Variants in POU6F2 observed in about 807,000 individuals in gnomAD.
The protein encoded by POU6F2 is POU domain, class 6, transcription factor 2.
POU6F2 carries 31 observed loss-of-function variants against 71.3 expected under a neutral mutation model. That is an observed-to-expected ratio of 0.43 (90% confidence interval 0.33 to 0.59). The LOEUF (loss-of-function observed/expected upper bound fraction) is 0.59. Among genes scored for constraint, POU6F2 ranks in the 20% least tolerant of loss-of-function variants. The pLI, the probability that POU6F2 is intolerant of heterozygous loss-of-function variation, is 0.04. For missense variants in POU6F2, 783 were observed against 856.8 expected (o/e 0.91, Z 1.07); for synonymous variants, 347 against 355.7 (o/e 0.98, Z 0.27).
chr7:39,076,251 C>G (rs1259841799), intron 1 of POU6F2, among the ~76,000 whole-genome samples: 1 of 151,344 alleles, frequency 6.6e-6, no homozygotes. Context: ...CTTCCATTCC[C>G]TCCCTTCCTT....
chr7:39,451,834 C>A, intron 8 of POU6F2, 133 bp downstream of exon 8: 1 of 1,168,806 alleles, frequency 8.6e-7, no homozygotes, highest in Non-Finnish European at 1.2e-6. Context: ...AATTTCCTGG[C>A]ACTGCTAGGT....
chr7:39,176,202 G>C (rs1035637047), intron 2 of POU6F2, among the ~76,000 whole-genome samples: 10 of 151,948 alleles, frequency 6.6e-5, no homozygotes, highest in Admixed American at 3.3e-4. Context: ...ATTTGTTCTT[G>C]GGCTGTGAGG....
At chr7:39,339,572 C>T in intron 4 of POU6F2, 70 bp from the exon 5 acceptor site, 1 of 1,504,020 alleles carries the variant, frequency 6.6e-7, no homozygotes, top group Non-Finnish European at 8.8e-7. Flanking sequence ...TTGCACTGGA[C>T]AGGCTGTCAA....
chr7:39,027,430 A>G (rs1052903483), intron 1 of POU6F2, among the ~76,000 whole-genome samples: 2 of 152,136 alleles, frequency 1.3e-5, no homozygotes, highest in Non-Finnish European at 2.9e-5. Context: ...ATTGCCCACA[A>G]GGGCTTTTAA....
chr7:39,418,566 T>C (rs1245475251), intron 6 of POU6F2, among the ~76,000 whole-genome samples: 1 of 151,996 alleles, frequency 6.6e-6, no homozygotes, highest in African/African-American at 2.4e-5. Flanking sequence ...GGCAGGCACC[T>C]GTAGTCCCAG....
intron 1 of POU6F2, among the ~76,000 whole-genome samples, chr7:39,013,983 A>C (rs1789403328): frequency 1.3e-5 from 2 of 152,204 alleles, no homozygotes; most frequent in Admixed American, 6.5e-5. Flanking sequence ...TTCCCTTCAG[A>C]GGAATGAGAG....
At chr7:39,144,018 G>A (rs1000124325) in intron 2 of POU6F2, among the ~76,000 whole-genome samples, 77 of 152,116 alleles carry the variant, frequency 5.1e-4, no homozygotes, top group African/African-American at 1.8e-3. Flanking sequence ...CATCAAAATA[G>A]GTCTTCCTTC....
chr7:39,373,622 G>T (rs1382093625), intron 5 of POU6F2: 6 of 422,136 alleles, frequency 1.4e-5, no homozygotes, highest in Non-Finnish European at 2.9e-5. Flanking sequence ...ATTTACTGGA[G>T]AAGCAATAAT....
chr7:39,260,798 A>G lies in POU6F2; in HGVS notation c.598+53178A>G, dbSNP rs180992669. Among the ~76,000 whole-genome samples, 54 of 152,012 alleles carry G rather than the reference A, an allele frequency of 3.6e-4. No homozygotes were observed. The East Asian group carries it at 0.01, about 29-fold the overall frequency. ...CCACACACAACACTTAAACACACAT[A>G]TATGACATACATACATCACATTACA... On this transcript the variant is annotated intron_variant, in intron 4 of 9. Transcript: ENST00000518318.
intron 5 of POU6F2, among the ~76,000 whole-genome samples, chr7:39,395,405 C>T (rs1318986761): frequency 1.3e-5 from 2 of 152,204 alleles, no homozygotes; most frequent in African/African-American, 4.8e-5. Flanking sequence ...ACAATCAACT[C>T]TGAGCCATCC....
chr7:39,211,508 T>A (rs549760420), intron 4 of POU6F2, among the ~76,000 whole-genome samples: 41 of 152,298 alleles, frequency 2.7e-4, no homozygotes, highest in African/African-American at 9.9e-4. Flanking sequence ...GCTTTGCTGA[T>A]AAAAAGACCT....
chr7:39,065,019 C>A (rs1790729190), intron 1 of POU6F2, among the ~76,000 whole-genome samples: 1 of 151,826 alleles, frequency 6.6e-6, no homozygotes, highest in East Asian at 1.9e-4. Flanking sequence ...CAAGGAGACA[C>A]AAAGTAAATA....
chr7:39,056,732 C>T (rs888363605), intron 1 of POU6F2, among the ~76,000 whole-genome samples: 1 of 148,112 alleles, frequency 6.8e-6, no homozygotes, highest in Non-Finnish European at 1.5e-5. Flanking sequence ...GTTGCCAATG[C>T]TATGTTCTAT....
chr7:39,373,980 T>C (rs1786662229), intron 5 of POU6F2, among the ~76,000 whole-genome samples: 1 of 152,220 alleles, frequency 6.6e-6, no homozygotes, highest in South Asian at 2.1e-4. Context: ...ATATTGAACT[T>C]GGACTATAAA....
chr7:39,247,471 G>A (rs1447865602), intron 4 of POU6F2, among the ~76,000 whole-genome samples: 2 of 148,050 alleles, frequency 1.4e-5, no homozygotes, highest in African/African-American at 2.5e-5. Flanking sequence ...GAAAGAAAGA[G>A]AGAAAGAAGA....
rs572106475 is a variant in POU6F2 at position 39,412,387 on chromosome 7, T to A, written c.1113+5647T>A. The stretch of plus-strand genomic sequence containing the variant: ...ACTGCAAAATAAATGAAAATAAAGT[T>A]GTAGTAAATGCAAATCTCAGCCAAA... On this transcript the variant is annotated intron_variant, in intron 6 of 9. Transcript: ENST00000518318. Among the ~76,000 whole-genome samples, 9 of 152,276 alleles carry A rather than the reference T, an allele frequency of 5.9e-5. No homozygotes were observed. The South Asian group carries it at 1.9e-3, about 32-fold the overall frequency.
At chr7:39,462,806 T>G (rs1212284439) in intron 9 of POU6F2, among the ~76,000 whole-genome samples, 10 of 152,208 alleles carry the variant, frequency 6.6e-5, no homozygotes, top group Non-Finnish European at 1.3e-4. Flanking sequence ...AAATAACCCT[T>G]GAGTTCTACA....
At chr7:39,278,198 G>A (rs1784494010) in intron 4 of POU6F2, among the ~76,000 whole-genome samples, 1 of 152,026 alleles carries the variant, frequency 6.6e-6, no homozygotes, top group Non-Finnish European at 1.5e-5. Context: ...GAACTCTGAG[G>A]AAAAGCAGAG....
At chr7:39,462,529 C>G (rs767214253) in intron 9 of POU6F2, among the ~76,000 whole-genome samples, 1 of 152,146 alleles carries the variant, frequency 6.6e-6, no homozygotes, top group Non-Finnish European at 1.5e-5. Flanking sequence ...ACTGATCAGC[C>G]CTATCACAAC....
Sources: gnomAD v4.1 joint callset for allele counts (sites outside exome capture counted in the v4.1 genomes callset) on GRCh38, gnomAD v4.1.1 for gene constraint, MANE v1.5 for transcripts, NCBI Gene and HGNC (gene_info 2026-07-23, HGNC 2026-07-21) for gene names.